Variants in NINL observed in about 807,000 individuals in gnomAD.
NINL encodes ninein-like protein.
A neutral mutation model predicts 160.3 loss-of-function variants in NINL; 153 were observed. The observed-to-expected ratio is 0.95, with a 90% CI of 0.84 to 1.09. The LOEUF is 1.09. Among genes scored for constraint, NINL ranks in the 50% least tolerant of loss-of-function variants. NINL has a pLI of 0.00. For missense variants in NINL, 1,829 were observed against 1,764.0 expected, an observed-to-expected ratio of 1.04 and a Z score of -0.66; for synonymous variants, 800 against 734.8, an observed-to-expected ratio of 1.09 and a Z score of -1.43.
chr20:25,536,189 C>T (rs867473454), intron 1 of NINL, among the ~76,000 whole-genome samples: 48 of 152,296 alleles, frequency 3.2e-4, no homozygotes, highest in African/African-American at 1.1e-3. Context: ...TGAATACACA[C>T]TTCGGCAAAA....
In NINL at chr20:25,491,473, C is replaced by T; in HGVS notation, c.1363G>A (p.Glu455Lys). The T allele has an allele frequency of 6.2e-7, 1 of 1,614,128 alleles. No homozygotes were observed. Among genetic ancestry groups the T allele is most frequent in the Non-Finnish European group, 8.5e-7 (1 of 1,180,014 alleles). ...TCCCAGAACAGCTCTCGCTCCGCCT[C>T]CACCTCAGACCGCAGGAGGCTCAGC... ...ERLSLLRSEV[E>K]AERELFWEQA... Residue 455 changes from glutamate to lysine, a missense_variant, in exon 11 of 24, where the codon GAG becomes AAG. Coordinates refer to ENST00000278886, the MANE Select transcript of NINL (RefSeq NM_025176.6).
chr20:25,484,463 T>C (rs78245387), intron 13 of NINL, among the ~76,000 whole-genome samples: 11 of 152,354 alleles, frequency 7.2e-5, no homozygotes, highest in Non-Finnish European at 1.0e-4. Flanking sequence ...CATCTCATTA[T>C]GCCAGCAAGT....
chr20:25,545,449 G>C (rs1051294914), intron 1 of NINL, among the ~76,000 whole-genome samples: 1 of 148,092 alleles, frequency 6.8e-6, no homozygotes, highest in African/African-American at 2.5e-5. Flanking sequence ...ATGTATGGGA[G>C]GTGTAAACCA....
At chr20:25,544,855 T>C (rs1156500929) in intron 1 of NINL, among the ~76,000 whole-genome samples, 1 of 152,214 alleles carries the variant, frequency 6.6e-6, no homozygotes, top group African/African-American at 2.4e-5. Flanking sequence ...TCATTGCTGG[T>C]CAATCTCCCT....
intron 1 of NINL, among the ~76,000 whole-genome samples, chr20:25,548,193 T>C (rs1450246020): frequency 6.6e-6 from 1 of 152,178 alleles, no homozygotes; most frequent in Non-Finnish European, 1.5e-5. Context: ...GCTGCACTCC[T>C]GGGCAGCTGT....
At chr20:25,499,506 G>A (rs1331596328) in intron 8 of NINL, among the ~76,000 whole-genome samples, 1 of 152,112 alleles carries the variant, frequency 6.6e-6, no homozygotes, top group East Asian at 1.9e-4. Context: ...GGGCTGTGGA[G>A]TCAGGTGTCG....
intron 1 of NINL, among the ~76,000 whole-genome samples, chr20:25,565,659 G>A (rs1303823206): frequency 6.6e-6 from 1 of 152,164 alleles, no homozygotes; most frequent in African/African-American, 2.4e-5. Context: ...ACTGAATAAA[G>A]AAATACGTAG....
chr20:25,553,666 A>G (rs2064830784), intron 1 of NINL, among the ~76,000 whole-genome samples: 1 of 152,236 alleles, frequency 6.6e-6, no homozygotes, highest in South Asian at 2.1e-4. Flanking sequence ...CTTGCACGCC[A>G]TTATGTGAAC....
chr20:25,498,321 T>C lies in NINL; in HGVS notation c.1058A>G (p.Lys353Arg). 6.2e-7 allele frequency: 1 copy of C among 1,613,050 alleles called. No individual in the cohort carries two copies. Among genetic ancestry groups the C allele is most frequent in the Non-Finnish European group, 8.5e-7 (1 of 1,180,008 alleles). ...CCAGGTCAGCTCCAGAAGGTTCACC[T>C]TCTCGTCCACGCTGAAGTCCAGGCT... Reference protein sequence around the residue: ...LQSLDFSVDEKVNLLELTWAL... With the variant: ...LQSLDFSVDERVNLLELTWAL... Residue 353 changes from lysine (K) to arginine (R), a missense_variant, in exon 9 of 24, where the codon AAG becomes AGG. Physicochemically the swap from Lys to Arg is conservative, Grantham distance 26. Transcript: ENST00000278886.
At chr20:25,494,359 A>G (rs1455396779) in intron 10 of NINL, among the ~76,000 whole-genome samples, 1 of 149,774 alleles carries the variant, frequency 6.7e-6, no homozygotes, top group Non-Finnish European at 1.5e-5. Context: ...TCCCACATAC[A>G]CTCACAGCAC....
At chr20:25,462,319 C>T in intron 20 of NINL, 64 bp downstream of exon 20, 2 of 1,525,120 alleles carry the variant, frequency 1.3e-6, no homozygotes, top group Admixed American at 1.9e-5. Flanking sequence ...GACCTATTTG[C>T]AGCCGCCTCC....
chr20:25,495,704 A>T (rs1442638285), intron 10 of NINL, among the ~76,000 whole-genome samples: 1 of 152,232 alleles, frequency 6.6e-6, no homozygotes, highest in East Asian at 1.9e-4. Context: ...GGTGAAAAAC[A>T]GCAGCTCAGC....
chr20:25,514,294 C>A (rs2064126071), intron 3 of NINL, among the ~76,000 whole-genome samples: 1 of 152,214 alleles, frequency 6.6e-6, no homozygotes, highest in Non-Finnish European at 1.5e-5. Flanking sequence ...CCCTAGAGAT[C>A]TGTGCAACTT....
rs762068707 is a variant in NINL, at chr20:25,481,985, G to C, written c.1793C>G (p.Pro598Arg). Residue 598 changes from proline (P) to arginine (R), a missense_variant, in exon 14 of 24, where the codon CCT becomes CGT. Transcript: ENST00000278886. ...GCTCCTACCTGCTGGGCCGAGTCCA[G>C]GGAGCTGCCGTCTGCGCCCATCCGG... ...WSPDGRRRQL[P>R]GLGPAGISFL... 11 of 1,597,632 alleles carry C rather than the reference G, an allele frequency of 6.9e-6. No individual in the cohort carries two copies. The Admixed American group carries it at 1.7e-4, about 24-fold the overall frequency.
At chr20:25,544,258 C>T (rs145515156) in intron 1 of NINL, among the ~76,000 whole-genome samples, 2,531 of 152,160 alleles carry the variant, frequency 0.017, 28 homozygotes, top group Non-Finnish European at 0.026. Context: ...TCTGGCCTCA[C>T]CAGCATCCAC....
intron 1 of NINL, among the ~76,000 whole-genome samples, chr20:25,585,225 G>A (rs1327506039): frequency 6.6e-6 from 1 of 152,194 alleles, no homozygotes; most frequent in Non-Finnish European, 1.5e-5. Context: ...TCGGCCCAGC[G>A]GGCGCTGTAT....
chr20:25,566,656 T>C (rs901386447), intron 1 of NINL, among the ~76,000 whole-genome samples: 4 of 152,146 alleles, frequency 2.6e-5, no homozygotes, highest in African/African-American at 9.7e-5. Flanking sequence ...AGACCCGGCA[T>C]GGTAACTCAT....
rs143118786 is a variant in NINL at position 25,477,054 on chromosome 20, G to A, written c.2237C>T (p.Ser746Leu). The A allele has an allele frequency of 1.7e-3, 2,697 of 1,598,150 alleles. 61 individuals carry two copies. The East Asian group carries it at 0.05, about 30-fold the overall frequency. ...EAEAELSGEL[S>L]GLGALPARRD... ...GCGAGCGGGCAGGGCTCCCAGCCCC[G>A]ACAGCTCTCCACTCAGCTCCGCCTC... The change falls in exon 17 of 24, where the codon TCG becomes TTG. Residue 746 changes from serine (S) to leucine (L), a missense_variant. Ser to Leu is a moderately radical substitution (Grantham distance 145, BLOSUM62 -2). Transcript: ENST00000278886.
At chr20:25,551,231 G>A (rs1173337393) in intron 1 of NINL, among the ~76,000 whole-genome samples, 6 of 152,180 alleles carry the variant, frequency 3.9e-5, no homozygotes, top group African/African-American at 1.4e-4. Flanking sequence ...AGCATCTCAA[G>A]GCAGAAGAAT....
Sources: allele counts gnomAD v4.1 joint callset (sites outside exome capture counted in the v4.1 genomes callset), GRCh38; gene constraint gnomAD v4.1.1; transcripts MANE v1.5; gene names NCBI Gene and HGNC (gene_info 2026-07-23, HGNC 2026-07-21).